SCN8A: variants seen among roughly 807,000 people sequenced by gnomAD.
SCN8A encodes the protein sodium channel protein type 8 subunit alpha.
A neutral mutation model predicts 184.1 loss-of-function variants in SCN8A; 30 were observed. That is an observed-to-expected ratio of 0.16 (90% confidence interval 0.12 to 0.22). The LOEUF is 0.22. Ranked by LOEUF, SCN8A falls within the 10% of genes least tolerant of loss-of-function variation. The pLI is 1.00. For missense variants in SCN8A, 1,057 were observed against 2,498.9 expected (o/e 0.42, Z 12.30); for synonymous variants, 852 against 907.0 (o/e 0.94, Z 1.09).
At chr12:51,614,380 C>G (rs1215749462) in intron 1 of SCN8A, among the ~76,000 whole-genome samples, 1 of 152,072 alleles carries the variant, frequency 6.6e-6, no homozygotes, top group African/African-American at 2.4e-5. Context: ...TCTACTTTAT[C>G]TGATATTAAT....
chr12:51,711,959 A>G (rs190737804), intron 11 of SCN8A, among the ~76,000 whole-genome samples: 4 of 152,192 alleles, frequency 2.6e-5, no homozygotes, highest in East Asian at 1.9e-4. Context: ...AGCAAAATTC[A>G]TACAAAATAG....
At chr12:51,616,542 G>A (rs1399181012) in intron 1 of SCN8A, among the ~76,000 whole-genome samples, 5 of 151,986 alleles carry the variant, frequency 3.3e-5, no homozygotes, top group Non-Finnish European at 7.4e-5. Flanking sequence ...AACCCGGGAG[G>A]CGGAGGTACA....
At chr12:51,703,237 TTTTTG>T (rs5798183) in intron 9 of SCN8A, among the ~76,000 whole-genome samples, 43 of 150,118 alleles carry the variant, frequency 2.9e-4, no homozygotes, top group East Asian at 5.9e-4. Flanking sequence ...GGGTTTGTTT[TTTTTG>T]TTTTGTTTTG....
chr12:51,771,761 A>C (rs1942928490), intron 19 of SCN8A, among the ~76,000 whole-genome samples: 1 of 152,226 alleles, frequency 6.6e-6, no homozygotes, highest in Non-Finnish European at 1.5e-5. Flanking sequence ...GCATTCACAC[A>C]ACACTTCCTG....
At chr12:51,673,661 C>A (rs1941171758) in intron 2 of SCN8A, among the ~76,000 whole-genome samples, 1 of 152,196 alleles carries the variant, frequency 6.6e-6, no homozygotes, top group African/African-American at 2.4e-5. Flanking sequence ...CATGTATGAA[C>A]TGTCTACCTT....
chr12:51,594,484 T>G lies in SCN8A; in HGVS notation c.-55+3125T>G, dbSNP rs938141128. On this transcript the variant is annotated intron_variant, in intron 1 of 26. Transcript: ENST00000627620. ...ATTCTGTGAATGGAAAGAAAAATAA[T>G]TATCTTTAATGTGCTGGTATTATGT... 2.0e-5 allele frequency among the ~76,000 whole-genome samples: 3 copies of G among 152,134 alleles called. No individual in the cohort carries two copies. In the East Asian group the frequency reaches 5.8e-4, roughly 29 times the overall value.
intron 1 of SCN8A, among the ~76,000 whole-genome samples, chr12:51,593,624 G>A (rs934490802): frequency 3.3e-5 from 5 of 152,136 alleles, no homozygotes; most frequent in Admixed American, 6.6e-5. Context: ...CTGTGGTGCT[G>A]AAAGGACAGT....
At chr12:51,661,310 C>T (rs987526944) in intron 1 of SCN8A, among the ~76,000 whole-genome samples, 3 of 152,168 alleles carry the variant, frequency 2.0e-5, no homozygotes, top group African/African-American at 4.8e-5. Flanking sequence ...GTGGTTTTTG[C>T]GCAGCGTGAA....
At chr12:51,737,058 T>A (rs1942337386) in intron 12 of SCN8A, among the ~76,000 whole-genome samples, 1 of 152,236 alleles carries the variant, frequency 6.6e-6, no homozygotes, top group African/African-American at 2.4e-5. Context: ...GGAAAATGAT[T>A]ATCGAGAATA....
At chr12:51,754,320 CTTCT>C (rs1238732131) in intron 14 of SCN8A, among the ~76,000 whole-genome samples, 2 of 77,158 alleles carry the variant, frequency 2.6e-5, no homozygotes, top group African/African-American at 7.5e-5. Context: ...GTACAAAAAA[CTTCT>C]TTTTTTTTTT....
At chr12:51,648,338 G>C (rs1165774392) in intron 1 of SCN8A, among the ~76,000 whole-genome samples, 2 of 152,156 alleles carry the variant, frequency 1.3e-5, no homozygotes, top group Non-Finnish European at 1.5e-5. Flanking sequence ...CAGTAGCTGG[G>C]ACTATAGGCA....
chr12:51,653,606 C>A (rs1940762943), intron 1 of SCN8A, among the ~76,000 whole-genome samples: 1 of 152,100 alleles, frequency 6.6e-6, no homozygotes, highest in Non-Finnish European at 1.5e-5. Context: ...TGGGTTGTTT[C>A]CACCTTTTGG....
intron 1 of SCN8A, among the ~76,000 whole-genome samples, chr12:51,625,378 C>G (rs1940056461): frequency 2.0e-5 from 3 of 152,162 alleles, no homozygotes; most frequent in African/African-American, 7.2e-5. Flanking sequence ...GACTAATCGT[C>G]CATTCTATGG....
chr12:51,752,873 T>A (rs1942617429), intron 14 of SCN8A, among the ~76,000 whole-genome samples: 1 of 152,216 alleles, frequency 6.6e-6, no homozygotes, highest in Admixed American at 6.5e-5. Flanking sequence ...AAGAAATATG[T>A]CTTGATAATT....
At chr12:51,790,544 A>G (rs1938219230) in intron 25 of SCN8A, 42 bp downstream of exon 25, 1 of 1,328,170 alleles carries the variant, frequency 7.5e-7, no homozygotes, top group South Asian at 1.3e-5. Flanking sequence ...GAGAACCCAT[A>G]TAGGAAAAGT....
intron 1 of SCN8A, among the ~76,000 whole-genome samples, chr12:51,641,302 T>C (rs1940449341): frequency 6.6e-6 from 1 of 152,090 alleles, no homozygotes; most frequent in Non-Finnish European, 1.5e-5. Flanking sequence ...TCTAAAGGGG[T>C]AGTGGGAGTG....
chr12:51,753,199 C>G (rs1942622198), intron 14 of SCN8A, among the ~76,000 whole-genome samples: 1 of 152,134 alleles, frequency 6.6e-6, no homozygotes, highest in Non-Finnish European at 1.5e-5. Flanking sequence ...CTCCATGAGA[C>G]AAGCCAACCC....
In SCN8A at chr12:51,769,738, G is replaced by A. The variant is rs1409723085; in HGVS notation, c.3373-130G>A. ...GGCCCGTGGATATGGTTTGCTTATC[G>A]CGAGTTGTAGTAAGAATTCTAGAGA... is the stretch of plus-strand genomic sequence containing the variant. On this transcript the variant is annotated intron_variant, in intron 17 of 26. Transcript: ENST00000627620. 26 of 684,070 alleles carry A rather than the reference G, an allele frequency of 3.8e-5. No individual in the cohort carries two copies. The Middle Eastern group carries it at 1.9e-3, about 51-fold the overall frequency. The allele number at this position is 684,070 out of a possible 1,614,324, so 42.4% of individuals were successfully genotyped here.
chr12:51,791,933 T>C (rs1938265455), intron 25 of SCN8A, among the ~76,000 whole-genome samples: 1 of 151,600 alleles, frequency 6.6e-6, no homozygotes, highest in Admixed American at 6.6e-5. Flanking sequence ...TAATAAAGAG[T>C]GATTAACATT....
Sources: allele counts gnomAD v4.1 joint callset (sites outside exome capture counted in the v4.1 genomes callset), GRCh38; gene constraint gnomAD v4.1.1; transcripts MANE v1.5; gene names NCBI Gene and HGNC (gene_info 2026-07-23, HGNC 2026-07-21).